Variants in NME7 observed in about 807,000 individuals in gnomAD.
The protein encoded by NME7 is nucleoside diphosphate kinase 7.
NME7 carries 41 observed loss-of-function variants against 49.1 expected under a neutral mutation model. That is an observed-to-expected ratio of 0.83 (90% CI 0.65 to 1.08). NME7 has a LOEUF of 1.08. Among genes scored for constraint, NME7 ranks in the 50% least tolerant of loss-of-function variants. The pLI is 0.00. For synonymous variants in NME7, 139 were observed against 150.6 expected (o/e 0.92, Z 0.56); for missense variants, 423 against 463.4 (o/e 0.91, Z 0.80).
intron 10 of NME7, among the ~76,000 whole-genome samples, chr1:169,223,496 G>A (rs1028432025): frequency 1.3e-5 from 2 of 151,960 alleles, no homozygotes; most frequent in African/African-American, 4.8e-5. Flanking sequence ...AGATTATAAC[G>A]TGTTGCTATC....
chr1:169,217,908 C>T (rs1368045497), intron 10 of NME7, among the ~76,000 whole-genome samples: 1 of 152,118 alleles, frequency 6.6e-6, no homozygotes, highest in Non-Finnish European at 1.5e-5. Context: ...CCTCTAGGCA[C>T]CAGCAGTAGT....
intron 7 of NME7, among the ~76,000 whole-genome samples, chr1:169,258,405 T>TACACACACAC (rs1366142784): frequency 4.4e-5 from 3 of 68,790 alleles, no homozygotes; most frequent in African/African-American, 1.6e-4. Flanking sequence ...TATATATATA[T>TACACACACAC]ACACACACAC....
chr1:169,361,791 A>C (rs995099351), intron 1 of NME7, among the ~76,000 whole-genome samples: 2 of 152,124 alleles, frequency 1.3e-5, no homozygotes, highest in Admixed American at 6.5e-5. Flanking sequence ...AAAAAAAAAA[A>C]AAGGCAGGTG....
At chr1:169,342,363 G>A (rs1281865851) in intron 1 of NME7, among the ~76,000 whole-genome samples, 1 of 151,592 alleles carries the variant, frequency 6.6e-6, no homozygotes, top group South Asian at 2.1e-4. Context: ...TGAGGCCTCC[G>A]CAGCCATGTG....
intron 7 of NME7, among the ~76,000 whole-genome samples, chr1:169,278,344 C>T (rs901390444): frequency 6.6e-6 from 1 of 152,118 alleles, no homozygotes; most frequent in African/African-American, 2.4e-5. Context: ...TAGATTTGGT[C>T]TTTTCACATA....
At chr1:169,221,670 TATATAA>T (rs1162066005) in intron 10 of NME7, among the ~76,000 whole-genome samples, 6 of 151,718 alleles carry the variant, frequency 4.0e-5, no homozygotes, top group African/African-American at 1.4e-4. Context: ...GCCAGTAGAA[TATATAA>T]ATATATTTAT....
intron 7 of NME7, among the ~76,000 whole-genome samples, chr1:169,279,480 G>GA (rs1558019892): frequency 6.6e-6 from 1 of 152,178 alleles, no homozygotes; most frequent in East Asian, 1.9e-4. Flanking sequence ...GTGGGCATAG[G>GA]ACCCTCCAAG....
chr1:169,316,427 G>C (rs903650415), intron 3 of NME7, among the ~76,000 whole-genome samples: 1 of 152,084 alleles, frequency 6.6e-6, no homozygotes, highest in African/African-American at 2.4e-5. Context: ...TAAAGCAACA[G>C]AGAATATAGT....
chr1:169,136,949 TAAATAA>T (rs1658450638), intron 11 of NME7, among the ~76,000 whole-genome samples: 1 of 152,220 alleles, frequency 6.6e-6, no homozygotes, highest in African/African-American at 2.4e-5. Flanking sequence ...TATTTTCTTT[TAAATAA>T]GAGTACAGAT....
chr1:169,338,432 A>C (rs2101957739), intron 1 of NME7, among the ~76,000 whole-genome samples: 1 of 152,350 alleles, frequency 6.6e-6, no homozygotes, highest in South Asian at 2.1e-4. Context: ...TTGTTAGTGA[A>C]AAATGCCAGA....
At chr1:169,311,140 C>A (rs988289143) in intron 3 of NME7, among the ~76,000 whole-genome samples, 1 of 151,934 alleles carries the variant, frequency 6.6e-6, no homozygotes, top group South Asian at 2.1e-4. Context: ...ATATCCTGGC[C>A]GGGCGCGGTG....
intron 3 of NME7, among the ~76,000 whole-genome samples, chr1:169,315,527 A>G (rs1332669879): frequency 3.9e-5 from 6 of 152,052 alleles, no homozygotes; most frequent in Admixed American, 3.9e-4. Context: ...CAGCCTCCCA[A>G]AGTGCTGGGA....
At chr1:169,236,716 T>G (rs1297516554) in intron 8 of NME7, among the ~76,000 whole-genome samples, 1 of 74,620 alleles carries the variant, frequency 1.3e-5, no homozygotes, top group Non-Finnish European at 2.3e-5. Flanking sequence ...TTGTAAACTA[T>G]TTCCCTTTTT....
chr1:169,367,707 C>G lies in NME7; in HGVS notation c.3+1G>C, dbSNP rs890744196. The G allele has an allele frequency of 2.2e-5, 36 of 1,614,050 alleles. No individual in the cohort carries two copies. The highest frequency in any genetic ancestry group is 2.7e-5 in the Non-Finnish European group (32 of 1,180,014). ...TTCTTCTGGCATCCCCTGGCACTCA[C>G]CATTGTCTCAGGATCTCAGCACTAG... is the stretch of plus-strand genomic sequence containing the variant. On this transcript the variant is annotated splice_donor_variant, in intron 1 of 11. Coordinates refer to ENST00000367811, the MANE Select transcript of NME7 (RefSeq NM_013330.5). LOFTEE classifies it high-confidence loss of function.
At chr1:169,300,965 C>T (rs572014933) in intron 5 of NME7, among the ~76,000 whole-genome samples, 1 of 152,160 alleles carries the variant, frequency 6.6e-6, no homozygotes, top group South Asian at 2.1e-4. Flanking sequence ...AAAGTAAGAC[C>T]TCAAACTATA....
At chr1:169,152,438 T>C (rs774200688) in intron 11 of NME7, among the ~76,000 whole-genome samples, 7 of 152,236 alleles carry the variant, frequency 4.6e-5, no homozygotes, top group Non-Finnish European at 7.3e-5. Flanking sequence ...CCAGGTAGTC[T>C]GATTCCATAT....
intron 1 of NME7, 79 bp from the exon 2 acceptor site, chr1:169,324,579 T>G: frequency 1.2e-6 from 1 of 847,442 alleles, no homozygotes; most frequent in Non-Finnish European, 1.9e-6. Flanking sequence ...AAAATGAAAT[T>G]ACCAATATGC....
chr1:169,220,168 A>C (rs1661098208), intron 10 of NME7, among the ~76,000 whole-genome samples: 1 of 152,196 alleles, frequency 6.6e-6, no homozygotes, highest in African/African-American at 2.4e-5. Context: ...AATAATTCCA[A>C]TGAAAGGATA....
At chr1:169,314,356 A>G (rs1326499624) in intron 3 of NME7, among the ~76,000 whole-genome samples, 3 of 152,122 alleles carry the variant, frequency 2.0e-5, no homozygotes, top group African/African-American at 7.2e-5. Context: ...TAGATTTTAA[A>G]GAAGGAGGTT....
Sources: allele counts gnomAD v4.1 joint callset (sites outside exome capture counted in the v4.1 genomes callset), GRCh38; gene constraint gnomAD v4.1.1; transcripts MANE v1.5; gene names NCBI Gene and HGNC (gene_info 2026-07-23, HGNC 2026-07-21).